Variants in SMIM20 observed in about 807,000 individuals in gnomAD.
SMIM20 encodes small integral membrane protein 20.
A neutral mutation model predicts 8.7 loss-of-function variants in SMIM20; 3 were observed. The ratio of observed to expected loss-of-function variants is 0.34; its 90% CI spans 0.16 to 0.89. The LOEUF (loss-of-function observed/expected upper bound fraction) is 0.89. Ranked by LOEUF, SMIM20 falls within the 40% of genes least tolerant of loss-of-function variation. The probability of loss-of-function intolerance (pLI) is 0.49; values close to 1 mark genes in which losing one functional copy is unlikely to be tolerated. For missense variants in SMIM20, 85 were observed against 84.8 expected, an observed-to-expected ratio of 1.00 and a Z score of -0.01; for synonymous variants, 44 against 33.6, an observed-to-expected ratio of 1.31 and a Z score of -1.07.
intron 1 of SMIM20, among the ~76,000 whole-genome samples, chr4:25,916,294 T>C (rs991539484): frequency 2.6e-5 from 4 of 151,706 alleles, no homozygotes; most frequent in African/African-American, 9.7e-5. Context: ...CACTGCAGTC[T>C]CCATCTCCCA....
chr4:25,921,442 C>T (rs1351129859), intron 1 of SMIM20, among the ~76,000 whole-genome samples: 3 of 152,200 alleles, frequency 2.0e-5, no homozygotes, highest in African/African-American at 4.8e-5. Context: ...AGGAGAATGG[C>T]ACCCAGTGTT....
chr4:25,924,742 G>A (rs548920717), intron 1 of SMIM20, among the ~76,000 whole-genome samples: 1 of 152,130 alleles, frequency 6.6e-6, no homozygotes, highest in African/African-American at 2.4e-5. Context: ...ACTTCAGCCT[G>A]TATTTCCGAA....
chr4:25,925,789 A>G (rs1036383428), intron 1 of SMIM20, among the ~76,000 whole-genome samples: 1 of 152,244 alleles, frequency 6.6e-6, no homozygotes, highest in African/African-American at 2.4e-5. Context: ...GACATTTAAT[A>G]TAAGGATATG....
intron 1 of SMIM20, among the ~76,000 whole-genome samples, chr4:25,917,933 G>GTT (rs1252198807): frequency 1.4e-4 from 19 of 139,172 alleles, no homozygotes; most frequent in African/African-American, 2.9e-4. Flanking sequence ...GTACAGGTCA[G>GTT]TTTTTTTTTT....
intron 1 of SMIM20, among the ~76,000 whole-genome samples, chr4:25,914,997 C>T (rs1315686654): frequency 1.3e-5 from 2 of 152,130 alleles, no homozygotes; most frequent in Non-Finnish European, 2.9e-5. Context: ...CAGATGGAAC[C>T]CTGATCCTTC....
At chr4:25,917,936 T>G (rs1230021799) in intron 1 of SMIM20, among the ~76,000 whole-genome samples, 1 of 148,550 alleles carries the variant, frequency 6.7e-6, no homozygotes, top group East Asian at 2.0e-4. Flanking sequence ...CAGGTCAGTT[T>G]TTTTTTTTTG....
chr4:25,928,128 A>AT (rs1469126169), intron 1 of SMIM20, 185 bp from the exon 2 acceptor site: 5 of 442,710 alleles, frequency 1.1e-5, no homozygotes, highest in Non-Finnish European at 1.9e-5. Context: ...AAAATACCCA[A>AT]TCTCTTTTGC....
chr4:25,918,414 A>G (rs1159614375), intron 1 of SMIM20, among the ~76,000 whole-genome samples: 3 of 152,068 alleles, frequency 2.0e-5, no homozygotes, highest in Non-Finnish European at 4.4e-5. Context: ...AAAATTCTGG[A>G]TAATTTTTTC....
intron 1 of SMIM20, among the ~76,000 whole-genome samples, chr4:25,918,033 C>T (rs1388642038): frequency 6.6e-6 from 1 of 150,954 alleles, no homozygotes; most frequent in Non-Finnish European, 1.5e-5. Context: ...AGCTCCGCCT[C>T]CCGGGTTCAC....
chr4:25,928,454 G>A (rs1207815029), intron 2 of SMIM20, 85 bp downstream of exon 2: 1 of 1,355,862 alleles, frequency 7.4e-7, no homozygotes, highest in Non-Finnish European at 9.9e-7. Flanking sequence ...TTGGCGTGGA[G>A]AGTGGGAAAA....
intron 1 of SMIM20, among the ~76,000 whole-genome samples, chr4:25,927,648 T>C (rs1049162277): frequency 6.6e-6 from 1 of 152,246 alleles, no homozygotes; most frequent in African/African-American, 2.4e-5. Flanking sequence ...TCTAAACCAC[T>C]TAGAAAAATG....
intron 1 of SMIM20, among the ~76,000 whole-genome samples, chr4:25,919,226 T>G (rs962431957): frequency 1.3e-5 from 2 of 152,214 alleles, no homozygotes; most frequent in Non-Finnish European, 2.9e-5. Flanking sequence ...AAAACCAACA[T>G]AAACTAGATA....
intron 1 of SMIM20, among the ~76,000 whole-genome samples, chr4:25,924,282 A>G (rs1719248964): frequency 6.6e-6 from 1 of 152,224 alleles, no homozygotes; most frequent in Non-Finnish European, 1.5e-5. Flanking sequence ...TCACCATGGA[A>G]GAGTCAAAAT....
intron 1 of SMIM20, among the ~76,000 whole-genome samples, chr4:25,928,023 GT>G (rs1711548259): frequency 6.6e-6 from 1 of 151,998 alleles, no homozygotes; most frequent in Non-Finnish European, 1.5e-5. Context: ...TTTTTTTGTT[GT>G]TGTTTTCTTG....
Position 25,929,241 on chromosome 4 carries a change from G to T in SMIM20, c.*50G>T, listed in dbSNP as rs377540815. ...AGAAAGGAGATTTCTTCATGCTTTC[G>T]ATTCTGCATGGGGTACAGCCAGTCA... On this transcript the variant is annotated 3_prime_UTR_variant, in exon 3 of 3. Transcript: ENST00000506197. 1.3e-6 allele frequency: 2 copies of T among 1,540,444 alleles called. No individual in the cohort carries two copies. The highest frequency in any genetic ancestry group is 1.4e-5 in the African/African-American group (1 of 72,784).
chr4:25,920,419 A>G (rs1338339919), intron 1 of SMIM20, among the ~76,000 whole-genome samples: 1 of 152,214 alleles, frequency 6.6e-6, no homozygotes, highest in African/African-American at 2.4e-5. Context: ...ATTTTAAAAT[A>G]GAAAGATGTC....
At chr4:25,914,863 C>G (rs1719051591) in intron 1 of SMIM20, among the ~76,000 whole-genome samples, 1 of 152,174 alleles carries the variant, frequency 6.6e-6, no homozygotes, top group Admixed American at 6.5e-5. Context: ...CTGAGAGGCT[C>G]AGAGGTTTTA....
At chr4:25,914,517 T>G (rs1719040519) in intron 1 of SMIM20, 95 bp downstream of exon 1, 2 of 1,262,674 alleles carry the variant, frequency 1.6e-6, no homozygotes, top group Admixed American at 3.6e-5. Context: ...AGAACTTGGC[T>G]CGAGGGTTAG....
intron 1 of SMIM20, among the ~76,000 whole-genome samples, chr4:25,922,160 CA>C (rs1207565085): frequency 6.6e-6 from 1 of 152,056 alleles, no homozygotes; most frequent in Non-Finnish European, 1.5e-5. Flanking sequence ...AGGAGAATGG[CA>C]AAGTTTCCAG....
Sources: gnomAD v4.1 joint callset for allele counts (sites outside exome capture counted in the v4.1 genomes callset) on GRCh38, gnomAD v4.1.1 for gene constraint, MANE v1.5 for transcripts, NCBI Gene and HGNC (gene_info 2026-07-23, HGNC 2026-07-21) for gene names.